Variants in QKI observed in about 807,000 individuals in gnomAD.
QKI encodes KH domain-containing RNA-binding protein QKI.
QKI carries 10 observed loss-of-function variants against 39.0 expected under a neutral mutation model. That is an observed-to-expected ratio of 0.26 (90% CI 0.16 to 0.43). QKI has a LOEUF of 0.43. Ranked by LOEUF, QKI falls within the 20% of genes least tolerant of loss-of-function variation. The pLI, the probability that QKI is intolerant of heterozygous loss-of-function variation, is 1.00. For missense variants in QKI, 218 were observed against 428.0 expected (o/e 0.51, Z 4.33); for synonymous variants, 204 against 155.4 (o/e 1.31, Z -2.33).
rs370898851 is a variant in QKI, at chr6:163,568,436, C to G, written c.1009+1641C>G. The G allele has an allele frequency of 1.3e-5, 13 of 985,118 alleles. No individual in the cohort carries two copies. In the African/African-American group the frequency reaches 1.7e-4, roughly 13 times the overall value. The allele number at this position is 985,118 out of a possible 1,614,324, so 61.0% of individuals were successfully genotyped here. A position where few individuals can be genotyped will look rare whatever the true frequency, so the allele number is the denominator to read the frequency against. ...TCCATGCATGGATCTTTTGTAGTTA[C>G]GTGTTTTGATTAGTCCTGTCACTGT... On this transcript the variant is annotated intron_variant, in intron 7 of 7. Transcript: ENST00000361752.
chr6:163,438,749 G>A (rs1289210374), intron 1 of QKI, among the ~76,000 whole-genome samples: 1 of 152,066 alleles, frequency 6.6e-6, no homozygotes, highest in Non-Finnish European at 1.5e-5. Context: ...AGTGAGTGGT[G>A]AGTGAATGTG....
chr6:163,559,218 T>C (rs1489378540), intron 4 of QKI, among the ~76,000 whole-genome samples: 1 of 152,228 alleles, frequency 6.6e-6, no homozygotes, highest in Non-Finnish European at 1.5e-5. Context: ...ATTTCCTCTT[T>C]GTTGGAAGTA....
chr6:163,446,668 G>C (rs566840499), intron 1 of QKI, among the ~76,000 whole-genome samples: 1 of 152,226 alleles, frequency 6.6e-6, no homozygotes, highest in Non-Finnish European at 1.5e-5. Flanking sequence ...AAATATTAAC[G>C]TGTAAAAGTA....
intron 4 of QKI, among the ~76,000 whole-genome samples, chr6:163,543,629 C>T (rs1781683308): frequency 6.6e-6 from 1 of 151,992 alleles, no homozygotes; most frequent in Admixed American, 6.6e-5. Context: ...TGAATAAACT[C>T]ATAAATTGTA....
intron 4 of QKI, among the ~76,000 whole-genome samples, chr6:163,542,954 T>C (rs1781633915): frequency 1.0e-5 from 1 of 97,190 alleles, no homozygotes; most frequent in South Asian, 4.3e-4. Flanking sequence ...CTACATGTTA[T>C]AGAAATTTAG....
intron 1 of QKI, chr6:163,416,305 T>C (rs987810582): frequency 5.0e-6 from 1 of 200,594 alleles, no homozygotes; most frequent in African/African-American, 2.3e-5. Context: ...CCTTAAGAAG[T>C]TCTCATAGCA....
intron 2 of QKI, among the ~76,000 whole-genome samples, chr6:163,478,532 T>C (rs1241887755): frequency 6.6e-6 from 1 of 152,236 alleles, no homozygotes; most frequent in African/African-American, 2.4e-5. Flanking sequence ...TTGTATCTGT[T>C]CTAGCTGTAT....
In QKI at chr6:163,447,124, C is replaced by G. The variant is rs73787649; in HGVS notation, c.143-8155C>G. 3.4e-3 allele frequency among the ~76,000 whole-genome samples: 512 copies of G among 152,138 alleles called. 4 individuals are homozygous for G. The highest frequency in any genetic ancestry group is 0.012 in the African/African-American group (482 of 41,534). On this transcript the variant is annotated intron_variant, in intron 1 of 7. Coordinates refer to ENST00000361752, the MANE Select transcript of QKI (RefSeq NM_006775.3). ...AGAGTTTCTTATGCCAGGAAATCCT[C>G]TATGAAACTCTTAAGTAAAGCTGGT...
intron 1 of QKI, among the ~76,000 whole-genome samples, chr6:163,420,603 A>G (rs756365752): frequency 3.9e-5 from 6 of 152,048 alleles, no homozygotes; most frequent in African/African-American, 7.2e-5. Context: ...TTTTTTCTCC[A>G]GTCCCTCCTG....
intron 4 of QKI, among the ~76,000 whole-genome samples, chr6:163,537,881 T>TA (rs1781296666): frequency 6.6e-6 from 1 of 152,226 alleles, no homozygotes; most frequent in South Asian, 2.1e-4. Context: ...TTTCCCTGCT[T>TA]AAAGATTTTT....
chr6:163,565,129 A>G (rs1042864889), intron 6 of QKI: 1 of 1,007,228 alleles, frequency 9.9e-7, no homozygotes, highest in African/African-American at 1.7e-5. Flanking sequence ...GGTCAGAATT[A>G]TACCACAGAA....
intron 2 of QKI, among the ~76,000 whole-genome samples, chr6:163,456,841 G>A (rs1171901861): frequency 6.6e-6 from 1 of 152,054 alleles, no homozygotes. Context: ...AACTTGAGCA[G>A]CAGGAGTTTG....
At chr6:163,452,134 TCA>T (rs1438249786) in intron 1 of QKI, among the ~76,000 whole-genome samples, 1 of 152,198 alleles carries the variant, frequency 6.6e-6, no homozygotes, top group Non-Finnish European at 1.5e-5. Context: ...TTGTCTAAAA[TCA>T]CAGTTACTGT....
intron 1 of QKI, among the ~76,000 whole-genome samples, chr6:163,418,342 T>C (rs1463674105): frequency 1.3e-5 from 2 of 152,180 alleles, no homozygotes; most frequent in Non-Finnish European, 2.9e-5. Context: ...GTTACAAATT[T>C]GAGGATTAAG....
intron 2 of QKI, among the ~76,000 whole-genome samples, chr6:163,477,990 A>G (rs1792757309): frequency 6.6e-6 from 1 of 152,228 alleles, no homozygotes; most frequent in South Asian, 2.1e-4. Context: ...ACTGATAGCA[A>G]ACTCTTATAT....
intron 4 of QKI, among the ~76,000 whole-genome samples, chr6:163,547,538 A>C (rs553493980): frequency 6.6e-6 from 1 of 152,186 alleles, no homozygotes; most frequent in African/African-American, 2.4e-5. Context: ...CAGCCATTCA[A>C]CACCTCCATG....
At chr6:163,491,801 C>T (rs941219748) in intron 3 of QKI, among the ~76,000 whole-genome samples, 1 of 152,014 alleles carries the variant, frequency 6.6e-6, no homozygotes, top group South Asian at 2.1e-4. Flanking sequence ...AAAAGATGGA[C>T]CCAATAAGAA....
At chr6:163,427,637 C>G (rs1210249804) in intron 1 of QKI, among the ~76,000 whole-genome samples, 1 of 152,012 alleles carries the variant, frequency 6.6e-6, no homozygotes, top group East Asian at 1.9e-4. Flanking sequence ...GGAAAATACA[C>G]ATATATTTTA....
intron 3 of QKI, among the ~76,000 whole-genome samples, chr6:163,498,946 C>T (rs1271376995): frequency 2.0e-5 from 3 of 151,946 alleles, no homozygotes; most frequent in Non-Finnish European, 4.4e-5. Flanking sequence ...GGGATGAGAC[C>T]GAATACTAAA....
Sources: allele counts gnomAD v4.1 joint callset (sites outside exome capture counted in the v4.1 genomes callset), GRCh38; gene constraint gnomAD v4.1.1; transcripts MANE v1.5; gene names NCBI Gene and HGNC (gene_info 2026-07-23, HGNC 2026-07-21).